CD84: variants seen among roughly 807,000 people sequenced by gnomAD.
The protein encoded by CD84 is CD84 molecule.
A neutral mutation model predicts 33.8 loss-of-function variants in CD84; 22 were observed. The observed-to-expected ratio is 0.65, with a 90% confidence interval of 0.46 to 0.93. CD84 has a LOEUF of 0.93. Among genes scored for constraint, CD84 ranks in the 40% least tolerant of loss-of-function variants. The pLI is 0.00. For synonymous variants in CD84, 154 were observed against 145.2 expected (o/e 1.06, Z -0.44); for missense variants, 400 against 397.6 (o/e 1.01, Z -0.05).
At position 160,565,703 on chromosome 1, in the gene CD84, T is replaced by A. The variant is rs141227872; in HGVS notation, c.89A>T (p.Asn30Ile). The A allele has an allele frequency of 3.9e-4, 622 of 1,613,110 alleles. No individual in the cohort carries two copies. Among genetic ancestry groups the A allele is most frequent in the Non-Finnish European group, 4.9e-4 (581 of 1,179,558 alleles). ...AGTGACTGACTCTCCCAGAATCCCA[T>A]TCACTGTGAAGATTTCTGAGTCTTT... ...AGKDSEIFTV[N>I]GILGESVTFP... Residue 30 changes from asparagine to isoleucine, a missense_variant, in exon 2 of 7, where the codon AAT (asparagine) becomes ATT (isoleucine). Coordinates refer to ENST00000368054, the MANE Select transcript of CD84 (RefSeq NM_003874.4).
intron 1 of CD84, among the ~76,000 whole-genome samples, chr1:160,577,092 A>T (rs1658031253): frequency 6.6e-6 from 1 of 152,202 alleles, no homozygotes; most frequent in Non-Finnish European, 1.5e-5. Flanking sequence ...ATGATCAGAA[A>T]GTTGGCATCA....
In CD84 at chr1:160,555,979, A is replaced by G. The variant is rs1311057393; in HGVS notation, c.389-1833T>C. ...AATAAACCCAAAACAAGTTTGGGGTACAGACCTGGATTAACTATAATAGTG... is the reference window on the plus strand; with the variant it reads ...AATAAACCCAAAACAAGTTTGGGGTGCAGACCTGGATTAACTATAATAGTG... On this transcript the variant is annotated intron_variant, in intron 2 of 6. Transcript: ENST00000368054. Among the ~76,000 whole-genome samples the G allele has an allele frequency of 2.6e-5, 4 of 152,226 alleles. No individual in the cohort carries two copies. In the South Asian group the frequency reaches 6.2e-4, roughly 24 times the overall value.
intron 2 of CD84, among the ~76,000 whole-genome samples, chr1:160,561,017 AAAAAC>A (rs201874578): frequency 1.1e-4 from 16 of 152,064 alleles, no homozygotes; most frequent in African/African-American, 2.2e-4. Context: ...CCTACCAACC[AAAAAC>A]AAAACAAAAC....
intron 2 of CD84, among the ~76,000 whole-genome samples, chr1:160,559,518 T>C (rs900627800): frequency 3.3e-5 from 5 of 152,082 alleles, no homozygotes; most frequent in South Asian, 4.1e-4. Context: ...TACCAGCCAC[T>C]ACAAAAACAC....
rs114668951 is a variant in CD84 at position 160,569,301 on chromosome 1, A to G, written c.47-3556T>C. ...TTAAGATTTAAAAGAAAGAGTGTCCATATCAATCAATCCCAATATTTATTT... is the reference window on the plus strand; with the variant it reads ...TTAAGATTTAAAAGAAAGAGTGTCCGTATCAATCAATCCCAATATTTATTT... On this transcript the variant is annotated intron_variant, in intron 1 of 6. Coordinates refer to ENST00000368054, the MANE Select transcript of CD84 (RefSeq NM_003874.4). Among the ~76,000 whole-genome samples, 569 of 152,280 alleles carry G rather than the reference A, an allele frequency of 3.7e-3. 4 individuals are homozygous for G. The highest frequency in any genetic ancestry group is 0.013 in the African/African-American group (553 of 41,552).
At chr1:160,558,317 G>A (rs191021096) in intron 2 of CD84, among the ~76,000 whole-genome samples, 12 of 152,272 alleles carry the variant, frequency 7.9e-5, no homozygotes, top group East Asian at 1.9e-4. Flanking sequence ...GACTTCACTC[G>A]TGATACCTCC....
chr1:160,551,960 G>A (rs1571349202), intron 4 of CD84, among the ~76,000 whole-genome samples: 1 of 152,216 alleles, frequency 6.6e-6, no homozygotes, highest in African/African-American at 2.4e-5. Flanking sequence ...GTATAGGCTA[G>A]AAGAGACATT....
At chr1:160,562,236 T>G (rs1657017832) in intron 2 of CD84, among the ~76,000 whole-genome samples, 1 of 152,062 alleles carries the variant, frequency 6.6e-6, no homozygotes, top group African/African-American at 2.4e-5. Flanking sequence ...ACTTTAAAAT[T>G]CATATGGATG....
chr1:160,553,446 GCC>G lies in CD84; in HGVS notation c.690_691del (p.Ala231TyrfsTer49). The G allele has an allele frequency of 6.2e-7, 1 of 1,614,102 alleles. No individual in the cohort carries two copies. The highest frequency in any genetic ancestry group is 8.5e-7 in the Non-Finnish European group (1 of 1,180,006). On this transcript the variant is annotated frameshift_variant, in exon 4 of 7. Coordinates refer to ENST00000368054, the MANE Select transcript of CD84 (RefSeq NM_003874.4). LOFTEE classifies it high-confidence loss of function. ...AATGAGAACAAGCAGAAAGAACATA[GCC>G]AGCACGCTCAGCAACCCGGTGTGGT...
intron 1 of CD84, among the ~76,000 whole-genome samples, chr1:160,566,490 AGG>A (rs1376701562): frequency 6.6e-6 from 1 of 152,208 alleles, no homozygotes; most frequent in East Asian, 1.9e-4. Flanking sequence ...GTATTTATTC[AGG>A]ATCAGTTTTG....
At chr1:160,553,799 G>A (rs752227595) in intron 3 of CD84, 96 bp downstream of exon 3, 2 of 1,570,228 alleles carry the variant, frequency 1.3e-6, no homozygotes, top group Non-Finnish European at 1.7e-6. Flanking sequence ...GATAAAGGAA[G>A]CACATCTCCC....
chr1:160,544,114 A>G lies in CD84; in HGVS notation c.*4142T>C. On this transcript the variant is annotated 3_prime_UTR_variant, in exon 7 of 7. Coordinates refer to ENST00000368054, the MANE Select transcript of CD84 (RefSeq NM_003874.4). ...GAGCCCACATTTATGACCACTCATT[A>G]TATTTCCTCTTATTGTCTTTGTTCT... The G allele has an allele frequency of 7.1e-6, 1 of 141,192 alleles. No individual in the cohort carries two copies. Among genetic ancestry groups the G allele is most frequent in the Admixed American group, 7.0e-5 (1 of 14,274 alleles). 8.7% of individuals were successfully genotyped at this position (141,192 alleles called of 1,614,324 possible). A position where few individuals can be genotyped will look rare whatever the true frequency, so the allele number is the denominator to read the frequency against.
At chr1:160,566,556 T>C (rs1657336621) in intron 1 of CD84, among the ~76,000 whole-genome samples, 1 of 152,226 alleles carries the variant, frequency 6.6e-6, no homozygotes, top group African/African-American at 2.4e-5. Flanking sequence ...TAAGTGTTTG[T>C]TGGACATCTA....
chr1:160,552,905 T>A (rs965000745), intron 4 of CD84: 2 of 631,492 alleles, frequency 3.2e-6, no homozygotes, highest in African/African-American at 3.6e-5. Flanking sequence ...GAATGGAGAA[T>A]GGCACAACTA....
At position 160,543,602 on chromosome 1, in the gene CD84, T is replaced by TTATTTATTATTATTATTA. The variant is rs1553230402; in HGVS notation, c.*4653_*4654insTAATAATAATAATAAATA. The TTATTTATTATTATTATTA allele has an allele frequency of 7.4e-4, 105 of 142,706 alleles. 1 individual carries two copies. The highest frequency in any genetic ancestry group is 2.7e-3 in the African/African-American group (103 of 38,800). The allele number at this position is 142,706 out of a possible 1,614,324, so 8.8% of individuals were successfully genotyped here. A position where few individuals can be genotyped will look rare whatever the true frequency, so the allele number is the denominator to read the frequency against. On this transcript the variant is annotated 3_prime_UTR_variant, in exon 7 of 7. Coordinates refer to ENST00000368054, the MANE Select transcript of CD84 (RefSeq NM_003874.4). Reference sequence around the variant, plus strand: ...ATCTTCAAGGAGCTCTCCATTATTATTTATTATTATTATTATTATTATTAT... The same window carrying TTATTTATTATTATTATTA: ...ATCTTCAAGGAGCTCTCCATTATTATTATTTATTATTATTATTATTATTATTATTATTATTATTATTAT...
Position 160,546,982 on chromosome 1 carries a change from A to T in CD84, c.*1274T>A. 1 of 396,276 alleles carries T rather than the reference A, an allele frequency of 2.5e-6. No homozygotes were observed. Among genetic ancestry groups the T allele is most frequent in the Non-Finnish European group, 4.4e-6 (1 of 225,030 alleles). 24.5% of individuals were successfully genotyped at this position (396,276 alleles called of 1,614,324 possible). On this transcript the variant is annotated 3_prime_UTR_variant, in exon 7 of 7. Coordinates refer to ENST00000368054, the MANE Select transcript of CD84 (RefSeq NM_003874.4). ...ATTGCTGTCCAGCCTAGGACTATTC[A>T]TTGGGATTTAGGAGTTAGCCGATTA...
At chr1:160,555,167 G>A (rs1000665038) in intron 2 of CD84, among the ~76,000 whole-genome samples, 3 of 148,948 alleles carry the variant, frequency 2.0e-5, no homozygotes, top group South Asian at 4.2e-4. Context: ...TGCAAGCTCC[G>A]CCTCCTGGGT....
intron 5 of CD84, 196 bp downstream of exon 5, chr1:160,550,742 T>C: frequency 1.0e-6 from 1 of 985,120 alleles, no homozygotes. Context: ...TGCCATGGGG[T>C]GACAATGGGT....
chr1:160,543,523 T>A lies in CD84; in HGVS notation c.*4733A>T, dbSNP rs1655652063. ...TATTGACAACAATGTATGAAGCATCTAGTTTAGCAGTTGGTATACAAAATA... is the reference window on the plus strand; with the variant it reads ...TATTGACAACAATGTATGAAGCATCAAGTTTAGCAGTTGGTATACAAAATA... On this transcript the variant is annotated 3_prime_UTR_variant, in exon 7 of 7. Transcript: ENST00000368054. 6.6e-6 allele frequency: 1 copy of A among 151,928 alleles called. No homozygotes were observed. The allele number at this position is 151,928 out of a possible 1,614,324, so 9.4% of individuals were successfully genotyped here.
Sources: gnomAD v4.1 joint callset for allele counts (sites outside exome capture counted in the v4.1 genomes callset) on GRCh38, gnomAD v4.1.1 for gene constraint, MANE v1.5 for transcripts, NCBI Gene and HGNC (gene_info 2026-07-23, HGNC 2026-07-21) for gene names.